KIRREL3: variants seen among roughly 807,000 people sequenced by gnomAD.
The protein encoded by KIRREL3 is kin of IRRE-like protein 3.
Under a neutral mutation model 89.7 loss-of-function variants are expected in KIRREL3, and 36 were observed. The ratio of observed to expected loss-of-function variants is 0.40; its 90% CI spans 0.31 to 0.53. The LOEUF (loss-of-function observed/expected upper bound fraction) is 0.53, where lower values mean the gene tolerates loss of function less well. KIRREL3 is among the 20% of genes least tolerant of loss of function. KIRREL3 has a pLI of 0.49. For synonymous variants in KIRREL3, 445 were observed against 441.4 expected (o/e 1.01, Z -0.10); for missense variants, 864 against 1,056.6 (o/e 0.82, Z 2.53).
chr11:126,506,527 G>A (rs1349115768), intron 4 of KIRREL3, among the ~76,000 whole-genome samples: 1 of 152,204 alleles, frequency 6.6e-6, no homozygotes, highest in Non-Finnish European at 1.5e-5. Context: ...TTAGGGGAAT[G>A]CAAATTAAAA....
At chr11:126,483,446 C>G (rs549540272) in intron 4 of KIRREL3, among the ~76,000 whole-genome samples, 1 of 152,284 alleles carries the variant, frequency 6.6e-6, no homozygotes, top group East Asian at 1.9e-4. Context: ...ACTTTTTCTC[C>G]CCTGCAGCAG....
chr11:126,668,701 C>CTTTT lies in KIRREL3; in HGVS notation c.56-105790_56-105789insAAAA, dbSNP rs1313993423. ...TGTTGGGAAGTTTCTGTTTTTCTTTCTTTCTTTCTTTCTTTCTTTCTTTCT... is the reference window on the plus strand; with the variant it reads ...TGTTGGGAAGTTTCTGTTTTTCTTTCTTTTTTTCTTTCTTTCTTTCTTTCTTTCT... On this transcript the variant is annotated intron_variant, in intron 1 of 16. Coordinates refer to ENST00000525144, the MANE Select transcript of KIRREL3 (RefSeq NM_032531.4). The surrounding 1 kb of genome is among the most constrained non-coding windows in gnomAD (Gnocchi z 4.4). Among the ~76,000 whole-genome samples, 1 of 59,754 alleles carries CTTTT rather than the reference C, an allele frequency of 1.7e-5. No individual in the cohort carries two copies. Among genetic ancestry groups the CTTTT allele is most frequent in the African/African-American group, 4.9e-5 (1 of 20,254 alleles). 39.2% of individuals were successfully genotyped at this position (59,754 alleles called of 152,430 possible).
chr11:126,666,085 C>A lies in KIRREL3; in HGVS notation c.56-103173G>T, dbSNP rs1945651048. ...GCTCCTCGGAGATTCTGATTTGCAT[C>A]CATGGTTCAGAACCACTTGCCTACT... On this transcript the variant is annotated intron_variant, in intron 1 of 16. Transcript: ENST00000525144. The surrounding 1 kb of genome is among the most constrained non-coding windows in gnomAD (Gnocchi z 4.2). Among the ~76,000 whole-genome samples the A allele has an allele frequency of 6.6e-6, 1 of 152,164 alleles. No individual in the cohort carries two copies. The highest frequency in any genetic ancestry group is 1.5e-5 in the Non-Finnish European group (1 of 68,038).
intron 1 of KIRREL3, among the ~76,000 whole-genome samples, chr11:126,644,236 C>T (rs183953985): frequency 2.0e-5 from 3 of 152,126 alleles, no homozygotes; most frequent in Non-Finnish European, 2.9e-5. Flanking sequence ...GGCAGAAGGA[C>T]GAAAAGCTGA....
intron 1 of KIRREL3, among the ~76,000 whole-genome samples, chr11:126,800,795 A>T (rs1951007645): frequency 6.6e-6 from 1 of 152,206 alleles, no homozygotes; most frequent in African/African-American, 2.4e-5. Flanking sequence ...CAACCCCTGG[A>T]CAATGAGTGA....
chr11:126,483,088 A>G (rs1287912991), intron 4 of KIRREL3, among the ~76,000 whole-genome samples: 2 of 152,252 alleles, frequency 1.3e-5, no homozygotes, highest in Admixed American at 6.5e-5. Context: ...CCCTGAAACT[A>G]GGTCATGAGA....
rs772670931 is a variant in KIRREL3, at chr11:126,437,017, G to A, written c.1354-8C>T. 2 of 1,517,386 alleles carry A rather than the reference G, an allele frequency of 1.3e-6. No homozygotes were observed. Among genetic ancestry groups the A allele is most frequent in the Non-Finnish European group, 1.8e-6 (2 of 1,125,604 alleles). The allele number at this position is 1,517,386 out of a possible 1,614,324, so 94.0% of individuals were successfully genotyped here. The stretch of plus-strand genomic sequence containing the variant: ...CTCCTTCCAGGACCAGGCCTGCCCG[G>A]GGGCGCAGAATCAGGAGGAGACCCC... On this transcript the variant is annotated splice_polypyrimidine_tract_variant and splice_region_variant and intron_variant, in intron 11 of 16. Coordinates refer to ENST00000525144, the MANE Select transcript of KIRREL3 (RefSeq NM_032531.4).
Position 126,623,751 on chromosome 11 carries a change from A to G in KIRREL3, c.56-60839T>C, listed in dbSNP as rs948990667. Among the ~76,000 whole-genome samples the G allele has an allele frequency of 3.3e-5, 5 of 152,310 alleles. No individual in the cohort carries two copies. The highest frequency in any genetic ancestry group is 4.1e-4 in the South Asian group (2 of 4,830). On this transcript the variant is annotated intron_variant, in intron 1 of 16. Transcript: ENST00000525144. This position sits in a 1 kb window ranked among gnomAD's most constrained non-coding sequence, Gnocchi z 4.1. ...AGCCATTGAATAAATACTAAGCTAG[A>G]AAACAAAGATATACATAGAAATTCT...
rs1275499868 is a variant in KIRREL3 at position 126,535,082 on chromosome 11, G to A, written c.134-8395C>T. ...GGTGGAGCATTTGGTGGCCTTTTGG[G>A]GGCTCTGGTTATGGGGCAGAGCTGG... On this transcript the variant is annotated intron_variant, in intron 2 of 16. Coordinates refer to ENST00000525144, the MANE Select transcript of KIRREL3 (RefSeq NM_032531.4). The surrounding 1 kb of genome is among the most constrained non-coding windows in gnomAD (Gnocchi z 4.5). 6.6e-6 allele frequency among the ~76,000 whole-genome samples: 1 copy of A among 151,988 alleles called. No individual in the cohort carries two copies. The highest frequency in any genetic ancestry group is 1.5e-5 in the Non-Finnish European group (1 of 68,012).
rs940337278 is a variant in KIRREL3, at chr11:126,912,850, C to T, written c.55+87605G>A. ...TAGTGATGAAATTTCTTGGCCACTA[C>T]TGGCCATTCATGATCATAATTACCA... On this transcript the variant is annotated intron_variant, in intron 1 of 16. Coordinates refer to ENST00000525144, the MANE Select transcript of KIRREL3 (RefSeq NM_032531.4). This position sits in a 1 kb window ranked among gnomAD's most constrained non-coding sequence, Gnocchi z 4.7. Among the ~76,000 whole-genome samples the T allele has an allele frequency of 1.1e-4, 17 of 152,242 alleles. No homozygotes were observed. Among genetic ancestry groups the T allele is most frequent in the African/African-American group, 9.6e-5 (4 of 41,462 alleles).
At chr11:126,839,120 G>A (rs913024413) in intron 1 of KIRREL3, among the ~76,000 whole-genome samples, 28 of 152,168 alleles carry the variant, frequency 1.8e-4, no homozygotes, top group African/African-American at 5.1e-4. Context: ...CAGAAACAGC[G>A]TCCATGGAGA....
In KIRREL3 at chr11:126,883,056, T is replaced by C. The variant is rs544030757; in HGVS notation, c.55+117399A>G. Among the ~76,000 whole-genome samples the C allele has an allele frequency of 7.9e-5, 12 of 152,310 alleles. No individual in the cohort carries two copies. In the South Asian group the frequency reaches 1.9e-3, roughly 24 times the overall value. On this transcript the variant is annotated intron_variant, in intron 1 of 16. Coordinates refer to ENST00000525144, the MANE Select transcript of KIRREL3 (RefSeq NM_032531.4). The surrounding 1 kb of genome is among the most constrained non-coding windows in gnomAD (Gnocchi z 4.1). Reference sequence around the variant, plus strand: ...TCTTCCGTTGTAGCAAATATCATTGTAGTAAAAAGTAATACATCTCCTCGT... The same window carrying C: ...TCTTCCGTTGTAGCAAATATCATTGCAGTAAAAAGTAATACATCTCCTCGT...
At position 126,709,910 on chromosome 11, in the gene KIRREL3, C is replaced by T. The variant is rs896371120; in HGVS notation, c.56-146998G>A. ...CGAGGGTAGGTAATGATGTGAGCTA[C>T]CTTACTGAGCATCTTCTATACAGCA... On this transcript the variant is annotated intron_variant, in intron 1 of 16. Coordinates refer to ENST00000525144, the MANE Select transcript of KIRREL3 (RefSeq NM_032531.4). This position sits in a 1 kb window ranked among gnomAD's most constrained non-coding sequence, Gnocchi z 4.0. Among the ~76,000 whole-genome samples the T allele has an allele frequency of 2.0e-5, 3 of 152,162 alleles. No homozygotes were observed. The South Asian group carries it at 6.2e-4, about 32-fold the overall frequency.
intron 1 of KIRREL3, among the ~76,000 whole-genome samples, chr11:126,833,572 G>A (rs1943681571): frequency 4.6e-5 from 7 of 152,204 alleles, no homozygotes. Flanking sequence ...TCACAAAAGT[G>A]TTTCCTCATG....
intron 1 of KIRREL3, among the ~76,000 whole-genome samples, chr11:126,765,848 C>T (rs183371915): frequency 6.6e-6 from 1 of 152,292 alleles, no homozygotes; most frequent in Admixed American, 6.5e-5. Flanking sequence ...TTCAAGCTCA[C>T]CATTTCTTTT....
At chr11:126,889,173 C>T (rs1328938757) in intron 1 of KIRREL3, among the ~76,000 whole-genome samples, 1 of 151,962 alleles carries the variant, frequency 6.6e-6, no homozygotes, top group African/African-American at 2.4e-5. Flanking sequence ...ATCACCCCCA[C>T]CAAAGTTTTC....
intron 1 of KIRREL3, among the ~76,000 whole-genome samples, chr11:126,790,089 GC>G (rs1207556742): frequency 3.9e-5 from 6 of 152,186 alleles, no homozygotes; most frequent in African/African-American, 1.4e-4. Context: ...CTACTTAGTT[GC>G]TCAAGCAGGA....
intron 1 of KIRREL3, among the ~76,000 whole-genome samples, chr11:126,600,419 C>T (rs1303819701): frequency 6.6e-6 from 1 of 152,206 alleles, no homozygotes; most frequent in Non-Finnish European, 1.5e-5. Context: ...TCTTAAACTG[C>T]TAATTTTAAT....
At chr11:126,650,490 T>C (rs1302229642) in intron 1 of KIRREL3, among the ~76,000 whole-genome samples, 1 of 152,158 alleles carries the variant, frequency 6.6e-6, no homozygotes, top group African/African-American at 2.4e-5. Flanking sequence ...AGATCATCTA[T>C]GTCAAGTTCA....
Sources: allele counts gnomAD v4.1 joint callset (sites outside exome capture counted in the v4.1 genomes callset), GRCh38; gene constraint gnomAD v4.1.1; non-coding constraint Gnocchi (gnomAD v3.1); transcripts MANE v1.5; gene names NCBI Gene and HGNC (gene_info 2026-07-23, HGNC 2026-07-21).